Variants in SCAI observed in about 807,000 individuals in gnomAD.
SCAI encodes the protein suppressor of cancer cell invasion.
SCAI carries 24 observed loss-of-function variants against 92.2 expected under a neutral mutation model. The observed-to-expected ratio is 0.26, with a 90% CI of 0.19 to 0.37. The LOEUF (loss-of-function observed/expected upper bound fraction) is 0.37. Ranked by LOEUF, SCAI falls within the 10% of genes least tolerant of loss-of-function variation. The pLI, the probability that SCAI is intolerant of heterozygous loss-of-function variation, is 1.00. For missense variants in SCAI, 450 were observed against 736.2 expected, an observed-to-expected ratio of 0.61 and a Z score of 4.50; for synonymous variants, 261 against 258.6, an observed-to-expected ratio of 1.01 and a Z score of -0.09.
intron 2 of SCAI, among the ~76,000 whole-genome samples, chr9:125,084,972 C>T (rs1207863377): frequency 2.0e-5 from 3 of 152,190 alleles, no homozygotes; most frequent in Non-Finnish European, 4.4e-5. Context: ...ACGCAGCTTA[C>T]AGTTTTATCA....
intron 2 of SCAI, among the ~76,000 whole-genome samples, chr9:125,064,778 G>C (rs533882715): frequency 6.6e-6 from 1 of 152,110 alleles, no homozygotes; most frequent in Non-Finnish European, 1.5e-5. Context: ...CCCAGGAGGC[G>C]GAGGTTGCAG....
intron 17 of SCAI, among the ~76,000 whole-genome samples, chr9:124,956,989 ATTTT>A (rs35575491): frequency 7.1e-6 from 1 of 141,192 alleles, no homozygotes; most frequent in African/African-American, 2.6e-5. Flanking sequence ...GGTCAACTGT[ATTTT>A]TTTTTTTTTT....
chr9:125,130,911 C>T (rs1032587782), intron 2 of SCAI, among the ~76,000 whole-genome samples: 8 of 146,132 alleles, frequency 5.5e-5, no homozygotes, highest in Non-Finnish European at 3.0e-5. Context: ...AGTTATGAAC[C>T]TTATCTGGAT....
chr9:125,106,120 AAAATATATATATATATATATATATAT>A (rs1834783540), intron 2 of SCAI, among the ~76,000 whole-genome samples: 1 of 18,158 alleles, frequency 5.5e-5, no homozygotes, highest in Admixed American at 1.5e-3. Flanking sequence ...AAAAAAAAAA[AAAATATATATATATATATATATATAT>A]ATATATATAG....
At chr9:125,118,463 G>A (rs921458472) in intron 2 of SCAI, among the ~76,000 whole-genome samples, 4 of 152,120 alleles carry the variant, frequency 2.6e-5, no homozygotes, top group African/African-American at 9.7e-5. Context: ...ACTACAGTGA[G>A]CTATGATCCT....
intron 2 of SCAI, among the ~76,000 whole-genome samples, chr9:125,064,007 C>A (rs1004526224): frequency 2.0e-5 from 3 of 152,164 alleles, no homozygotes; most frequent in African/African-American, 7.2e-5. Flanking sequence ...CCTGCCTTGG[C>A]CTCCCAAAGT....
At chr9:125,069,909 A>G (rs577718955) in intron 2 of SCAI, among the ~76,000 whole-genome samples, 1 of 152,222 alleles carries the variant, frequency 6.6e-6, no homozygotes, top group African/African-American at 2.4e-5. Context: ...GGCGTGAGCC[A>G]CCGTGCCCGG....
intron 3 of SCAI, among the ~76,000 whole-genome samples, chr9:125,045,857 AC>A (rs1417010430): frequency 6.6e-6 from 1 of 152,096 alleles, no homozygotes; most frequent in Admixed American, 6.6e-5. Flanking sequence ...AGGGTTCTTA[AC>A]ATATCTTTTT....
intron 3 of SCAI, among the ~76,000 whole-genome samples, chr9:125,044,497 G>A (rs1018398859): frequency 2.6e-5 from 4 of 152,080 alleles, no homozygotes; most frequent in African/African-American, 7.2e-5. Flanking sequence ...ACACTTGCCT[G>A]GACAACCTGC....
At chr9:125,040,512 T>C (rs921655338) in intron 3 of SCAI, among the ~76,000 whole-genome samples, 4 of 152,226 alleles carry the variant, frequency 2.6e-5, no homozygotes, top group Admixed American at 2.0e-4. Context: ...CTTTAATACA[T>C]AGAGAATTAT....
chr9:125,097,626 GT>G (rs1438487179), intron 2 of SCAI, among the ~76,000 whole-genome samples: 1 of 151,470 alleles, frequency 6.6e-6, no homozygotes, highest in African/African-American at 2.4e-5. Context: ...TACCAGGATA[GT>G]CTTACAGTTT....
At chr9:125,020,892 C>T in intron 6 of SCAI, 123 bp from the exon 7 acceptor site, 1 of 512,430 alleles carries the variant, frequency 2.0e-6, no homozygotes, top group Non-Finnish European at 3.4e-6. Flanking sequence ...AACATTCCCA[C>T]ATATAAGCAT....
chr9:125,135,570 T>C (rs760644783), intron 2 of SCAI, among the ~76,000 whole-genome samples: 1 of 152,154 alleles, frequency 6.6e-6, no homozygotes, highest in Non-Finnish European at 1.5e-5. Context: ...CAAGAACCAC[T>C]TGAACCCAGG....
chr9:125,059,002 A>T (rs1833724536), intron 2 of SCAI, among the ~76,000 whole-genome samples: 1 of 152,212 alleles, frequency 6.6e-6, no homozygotes. Context: ...GATATAAATA[A>T]ATGAGTGAAT....
chr9:125,038,325 G>A (rs1370251168), intron 3 of SCAI, among the ~76,000 whole-genome samples: 1 of 152,224 alleles, frequency 6.6e-6, no homozygotes, highest in Non-Finnish European at 1.5e-5. Flanking sequence ...GCCTATCAGT[G>A]TGGCTAGCTC....
intron 2 of SCAI, among the ~76,000 whole-genome samples, chr9:125,074,060 C>T (rs914703365): frequency 6.6e-6 from 1 of 151,578 alleles, no homozygotes; most frequent in African/African-American, 2.4e-5. Flanking sequence ...GAGATCGAGA[C>T]CGTCCTGGCT....
chr9:125,036,619 T>C (rs1301531421), intron 3 of SCAI, among the ~76,000 whole-genome samples: 2 of 152,214 alleles, frequency 1.3e-5, no homozygotes, highest in Non-Finnish European at 1.5e-5. Context: ...ATGAGTTATA[T>C]TTTAATTCAT....
Position 124,955,577 on chromosome 9 carries a change from C to T in SCAI, c.1675-2624G>A, listed in dbSNP as rs576836130. 3.1e-3 allele frequency among the ~76,000 whole-genome samples: 471 copies of T among 151,716 alleles called. 3 individuals carry two copies. The highest frequency in any genetic ancestry group is 4.3e-3 in the Non-Finnish European group (289 of 67,950). On this transcript the variant is annotated intron_variant, in intron 17 of 17. Transcript: ENST00000336505. ...CAGAGGTTGCAGTGAGCTGAGAGCA[C>T]GCCACTGCCCTCCTGACTGGGCAAC...
At chr9:125,107,956 C>T (rs1378274366) in intron 2 of SCAI, among the ~76,000 whole-genome samples, 1 of 151,878 alleles carries the variant, frequency 6.6e-6, no homozygotes, top group Non-Finnish European at 1.5e-5. Context: ...CTCAGCCTGC[C>T]GAACCCCTGC....
Sources: allele counts gnomAD v4.1 joint callset (sites outside exome capture counted in the v4.1 genomes callset), GRCh38; gene constraint gnomAD v4.1.1; transcripts MANE v1.5; gene names NCBI Gene and HGNC (gene_info 2026-07-23, HGNC 2026-07-21).